Variants in FHIT observed in about 807,000 individuals in gnomAD.
FHIT encodes fragile histidine triad diadenosine triphosphatase.
FHIT carries 19 observed loss-of-function variants against 17.9 expected under a neutral mutation model. The observed-to-expected ratio is 1.06, with a 90% confidence interval of 0.74 to 1.56. The LOEUF is 1.56. Among genes scored for constraint, FHIT ranks in the 40% most tolerant of loss-of-function variants. The pLI, the probability that FHIT is intolerant of heterozygous loss-of-function variation, is 0.00. For missense variants in FHIT, 248 were observed against 189.2 expected (o/e 1.31, Z -1.82); for synonymous variants, 81 against 69.7 (o/e 1.16, Z -0.81).
intron 8 of FHIT, among the ~76,000 whole-genome samples, chr3:59,853,890 G>T (rs1702042321): frequency 6.6e-6 from 1 of 152,076 alleles, no homozygotes; most frequent in Admixed American, 6.6e-5. Flanking sequence ...TAAAAAGCAT[G>T]GAAGTCATGG....
At chr3:60,968,366 C>T (rs193150284) in intron 3 of FHIT, among the ~76,000 whole-genome samples, 147 of 151,346 alleles carry the variant, frequency 9.7e-4, no homozygotes, top group Non-Finnish European at 4.4e-4. Context: ...CATTTATGAT[C>T]TCAACAAGAA....
At chr3:60,617,109 G>C (rs1553676233) in intron 4 of FHIT, 1 of 219,386 alleles carries the variant, frequency 4.6e-6, no homozygotes, top group Non-Finnish European at 9.8e-6. Flanking sequence ...AGCAGGACCT[G>C]AAGATGTTTC....
chr3:61,102,403 C>T (rs2035860271), intron 2 of FHIT, among the ~76,000 whole-genome samples: 1 of 152,138 alleles, frequency 6.6e-6, no homozygotes, highest in African/African-American at 2.4e-5. Flanking sequence ...TAGGGTGAAG[C>T]CGACTTGATC....
chr3:60,535,906 T>A (rs1015133840), intron 5 of FHIT: 2 of 151,882 alleles, frequency 1.3e-5, no homozygotes, highest in African/African-American at 4.8e-5. Flanking sequence ...GGAAAAAAAA[T>A]GTAGCTTACT....
At chr3:60,415,560 G>C (rs1490379193) in intron 5 of FHIT, among the ~76,000 whole-genome samples, 2 of 152,028 alleles carry the variant, frequency 1.3e-5, no homozygotes, top group African/African-American at 4.8e-5. Context: ...AAAATCCTTA[G>C]ATGTCTAAAA....
chr3:61,163,818 T>C (rs1048784291), intron 2 of FHIT, among the ~76,000 whole-genome samples: 2 of 152,222 alleles, frequency 1.3e-5, no homozygotes, highest in South Asian at 4.1e-4. Context: ...TTTCTTTGAG[T>C]CTTCCTTTCT....
At chr3:59,929,126 T>G (rs1251597465) in intron 7 of FHIT, among the ~76,000 whole-genome samples, 1 of 151,644 alleles carries the variant, frequency 6.6e-6, no homozygotes, top group Admixed American at 6.6e-5. Context: ...GTTTCTGCAG[T>G]TCCCCAAAAG....
chr3:59,923,720 C>G (rs1483742014), intron 7 of FHIT, among the ~76,000 whole-genome samples: 1 of 152,102 alleles, frequency 6.6e-6, no homozygotes, highest in Admixed American at 6.5e-5. Flanking sequence ...CCCTGATCAC[C>G]CACCCCTTCC....
intron 5 of FHIT, among the ~76,000 whole-genome samples, chr3:60,375,908 G>A (rs1262837662): frequency 6.6e-6 from 1 of 152,142 alleles, no homozygotes; most frequent in Non-Finnish European, 1.5e-5. Flanking sequence ...AGCCACATGT[G>A]ACCACTGAGC....
At chr3:60,876,193 T>C (rs1704646016) in intron 3 of FHIT, among the ~76,000 whole-genome samples, 1 of 152,112 alleles carries the variant, frequency 6.6e-6, no homozygotes, top group African/African-American at 2.4e-5. Context: ...AAAAATAGAT[T>C]GTATGGTCAA....
intron 2 of FHIT, among the ~76,000 whole-genome samples, chr3:61,065,296 TACAC>T (rs59356931): frequency 2.1e-5 from 3 of 143,510 alleles, no homozygotes; most frequent in African/African-American, 2.7e-5. Context: ...CACACACACA[TACAC>T]ACACAGGCTA....
chr3:60,406,635 G>A (rs1190811767), intron 5 of FHIT, among the ~76,000 whole-genome samples: 1 of 144,468 alleles, frequency 6.9e-6, no homozygotes, highest in East Asian at 2.2e-4. Context: ...GAAAGTTGTT[G>A]TCAGATTTTG....
intron 4 of FHIT, among the ~76,000 whole-genome samples, chr3:60,739,044 T>C (rs1371919863): frequency 6.6e-6 from 1 of 152,142 alleles, no homozygotes; most frequent in Admixed American, 6.5e-5. Context: ...GGAACTCAGC[T>C]GGGGGCAGTC....
chr3:60,734,336 T>G (rs1553712060), intron 4 of FHIT, among the ~76,000 whole-genome samples: 2 of 152,208 alleles, frequency 1.3e-5, no homozygotes, highest in Non-Finnish European at 2.9e-5. Flanking sequence ...CACATACAAT[T>G]TATTATTCAA....
At chr3:61,113,557 T>C (rs534602416) in intron 2 of FHIT, among the ~76,000 whole-genome samples, 4 of 152,314 alleles carry the variant, frequency 2.6e-5, no homozygotes, top group Non-Finnish European at 5.9e-5. Context: ...TCCTAACTCT[T>C]AGTTAGGTTA....
Position 60,451,671 on chromosome 3 carries a change from G to A in FHIT, c.103+85189C>T, listed in dbSNP as rs541800934. Among the ~76,000 whole-genome samples the A allele has an allele frequency of 2.0e-5, 3 of 152,078 alleles. No homozygotes were observed. In the South Asian group the frequency reaches 6.2e-4, roughly 32 times the overall value. On this transcript the variant is annotated intron_variant, in intron 5 of 9. Transcript: ENST00000492590. ...TACGGAAAATCTCATTTTGCACAAA[G>A]ATAACTTAGTACAACTAAAACTAGT...
At chr3:60,927,747 C>A (rs1373868691) in intron 3 of FHIT, among the ~76,000 whole-genome samples, 1 of 151,032 alleles carries the variant, frequency 6.6e-6, no homozygotes, top group African/African-American at 2.4e-5. Context: ...CCCCACCCGG[C>A]AGCCGCCCCG....
intron 5 of FHIT, among the ~76,000 whole-genome samples, chr3:60,391,611 C>T (rs536239771): frequency 2.6e-5 from 4 of 152,256 alleles, no homozygotes; most frequent in Admixed American, 2.6e-4. Context: ...CGTTTAGATA[C>T]ACAAATACTT....
chr3:59,911,706 G>A (rs564303688), intron 8 of FHIT, among the ~76,000 whole-genome samples: 25 of 152,306 alleles, frequency 1.6e-4, no homozygotes, highest in South Asian at 1.0e-3. Flanking sequence ...AATAACTGAG[G>A]TAAAAGTTCT....
Sources: gnomAD v4.1 joint callset for allele counts (sites outside exome capture counted in the v4.1 genomes callset) on GRCh38, gnomAD v4.1.1 for gene constraint, MANE v1.5 for transcripts, NCBI Gene and HGNC (gene_info 2026-07-23, HGNC 2026-07-21) for gene names.